Variants in PEBP4 observed in about 807,000 individuals in gnomAD.
The protein encoded by PEBP4 is phosphatidylethanolamine-binding protein 4.
Under a neutral mutation model 23.9 loss-of-function variants are expected in PEBP4, and 22 were observed. The ratio of observed to expected loss-of-function variants is 0.92; its 90% confidence interval spans 0.66 to 1.31. The LOEUF (loss-of-function observed/expected upper bound fraction) is 1.31, where lower values mean the gene tolerates loss of function less well. Among genes scored for constraint, PEBP4 ranks in the 40% most tolerant of loss-of-function variants. PEBP4 has a pLI of 0.00. For missense variants in PEBP4, 324 were observed against 281.7 expected, an observed-to-expected ratio of 1.15 and a Z score of -1.07; for synonymous variants, 112 against 99.3, an observed-to-expected ratio of 1.13 and a Z score of -0.76.
At chr8:22,715,419 C>CGTGTATATGCTG (rs1554477248) in intron 6 of PEBP4, among the ~76,000 whole-genome samples, 2 of 151,976 alleles carry the variant, frequency 1.3e-5, no homozygotes, top group Admixed American at 1.3e-4. Flanking sequence ...TGTGGGTGCA[C>CGTGTATATGCTG]GTGTGTGTGC....
intron 4 of PEBP4, among the ~76,000 whole-genome samples, chr8:22,732,391 C>A (rs1804756595): frequency 6.6e-6 from 1 of 151,958 alleles, no homozygotes; most frequent in South Asian, 2.1e-4. Context: ...ACAACACACA[C>A]AACTGGAGGG....
intron 1 of PEBP4, among the ~76,000 whole-genome samples, chr8:22,937,067 A>C (rs529492087): frequency 6.6e-6 from 1 of 152,218 alleles, no homozygotes; most frequent in Non-Finnish European, 1.5e-5. Context: ...TGCCACTCTT[A>C]TTCAACATAT....
chr8:22,736,522 C>A (rs1447788111), intron 4 of PEBP4, among the ~76,000 whole-genome samples: 1 of 152,128 alleles, frequency 6.6e-6, no homozygotes, highest in East Asian at 1.9e-4. Context: ...GGGAGGATTG[C>A]TTCAGCTGGG....
At chr8:22,931,913 AC>A (rs1239333096), upstream of PEBP4, among the ~76,000 whole-genome samples, 1 of 152,022 alleles carries the variant, frequency 6.6e-6, no homozygotes, top group African/African-American at 2.4e-5. Flanking sequence ...GGTCTTACAA[AC>A]CTTTGTACTA....
intron 3 of PEBP4, among the ~76,000 whole-genome samples, chr8:22,824,083 G>A (rs1806917220): frequency 6.6e-6 from 1 of 151,990 alleles, no homozygotes; most frequent in African/African-American, 2.4e-5. Flanking sequence ...ACCACATATT[G>A]TACACATGTA....
intron 3 of PEBP4, among the ~76,000 whole-genome samples, chr8:22,893,355 A>G (rs781524651): frequency 6.6e-6 from 1 of 152,226 alleles, no homozygotes; most frequent in Non-Finnish European, 1.5e-5. Flanking sequence ...ATGAGATTAT[A>G]ATGACATTTC....
chr8:22,844,098 G>A (rs1407295537), intron 3 of PEBP4, among the ~76,000 whole-genome samples: 12 of 152,132 alleles, frequency 7.9e-5, no homozygotes, highest in Non-Finnish European at 1.5e-4. Context: ...ACCAAGATTC[G>A]GCCCCGGAAA....
chr8:22,788,214 T>C (rs1806066194), intron 4 of PEBP4, among the ~76,000 whole-genome samples: 1 of 151,664 alleles, frequency 6.6e-6, no homozygotes, highest in Admixed American at 6.6e-5. Context: ...AGCTGAAAGA[T>C]GAAGGGGTTT....
chr8:22,787,622 C>T (rs1270661274), intron 4 of PEBP4, among the ~76,000 whole-genome samples: 2 of 152,236 alleles, frequency 1.3e-5, no homozygotes, highest in African/African-American at 4.8e-5. Context: ...CTTACGCAGT[C>T]AACAAACACT....
At chr8:22,825,864 G>A (rs541359996) in intron 3 of PEBP4, among the ~76,000 whole-genome samples, 9 of 152,310 alleles carry the variant, frequency 5.9e-5, no homozygotes, top group African/African-American at 1.7e-4. Context: ...CCTTAAAAAG[G>A]AAATACTGTA....
Position 22,724,908 on chromosome 8 carries a change from T to G in PEBP4, c.452A>C (p.Gln151Pro). Residue 151 changes from glutamine to proline, a missense_variant, in exon 6 of 7, where the codon CAG (glutamine) becomes CCG (proline). Coordinates refer to ENST00000256404, the MANE Select transcript of PEBP4 (RefSeq NM_144962.3). Reference sequence around the variant, plus strand: ...TCCTTCCTGAAGATAGACAAAGAACTGGTAGCGATGGAAGCCACTGTGTGC... The same window carrying G: ...TCCTTCCTGAAGATAGACAAAGAACGGGTAGCGATGGAAGCCACTGTGTGC... ...PPAHSGFHRY[Q>P]FFVYLQEGKV... 1 of 1,614,200 alleles carries G rather than the reference T, an allele frequency of 6.2e-7. No homozygotes were observed. The highest frequency in any genetic ancestry group is 2.2e-5 in the East Asian group (1 of 44,886).
chr8:22,820,319 C>G (rs552880412), intron 3 of PEBP4, among the ~76,000 whole-genome samples: 1 of 152,132 alleles, frequency 6.6e-6, no homozygotes, highest in Admixed American at 6.5e-5. Context: ...ACAGTTGTGT[C>G]CTTTTTAACT....
At chr8:22,776,370 T>C (rs577698287) in intron 4 of PEBP4, among the ~76,000 whole-genome samples, 2 of 152,222 alleles carry the variant, frequency 1.3e-5, no homozygotes, top group East Asian at 3.9e-4. Flanking sequence ...CGCTGATAAA[T>C]TTGGTCTTTC....
intron 1 of PEBP4, among the ~76,000 whole-genome samples, chr8:22,938,763 C>T (rs1809572571): frequency 6.6e-6 from 1 of 152,214 alleles, no homozygotes; most frequent in South Asian, 2.1e-4. Context: ...CTCCCACCTC[C>T]CATTCATTGA....
chr8:22,725,628 C>A (rs1226003739), intron 5 of PEBP4, among the ~76,000 whole-genome samples: 2 of 152,138 alleles, frequency 1.3e-5, no homozygotes, highest in African/African-American at 4.8e-5. Context: ...GAGTCAAGGT[C>A]CTGCTGGCCT....
intron 4 of PEBP4, among the ~76,000 whole-genome samples, chr8:22,803,809 G>A (rs978558064): frequency 1.3e-5 from 2 of 152,120 alleles, no homozygotes; most frequent in Non-Finnish European, 2.9e-5. Flanking sequence ...GTTCACTCAG[G>A]CCCCAGAGCC....
chr8:22,908,459 A>C (rs1336097667), intron 3 of PEBP4, among the ~76,000 whole-genome samples: 1 of 152,076 alleles, frequency 6.6e-6, no homozygotes, highest in Non-Finnish European at 1.5e-5. Flanking sequence ...ATGGGTCAAG[A>C]AAGATTAGGA....
intron 4 of PEBP4, among the ~76,000 whole-genome samples, chr8:22,731,093 G>A (rs139824486): frequency 6.6e-4 from 100 of 152,296 alleles, no homozygotes; most frequent in African/African-American, 1.9e-3. Flanking sequence ...AAAGGAACTC[G>A]TTTAAATGCT....
intron 4 of PEBP4, among the ~76,000 whole-genome samples, chr8:22,730,110 C>T (rs1391139537): frequency 1.3e-5 from 2 of 152,306 alleles, no homozygotes; most frequent in African/African-American, 2.4e-5. Context: ...TCTGTGACAT[C>T]ATGACAATCC....
Sources: allele counts gnomAD v4.1 joint callset (sites outside exome capture counted in the v4.1 genomes callset), GRCh38; gene constraint gnomAD v4.1.1; transcripts MANE v1.5; gene names NCBI Gene and HGNC (gene_info 2026-07-23, HGNC 2026-07-21).